The following UBE2E2 variants were observed in gnomAD, a reference collection of about 807,000 sequenced individuals.
The protein encoded by UBE2E2 is ubiquitin-conjugating enzyme E2 E2.
A neutral mutation model predicts 24.7 loss-of-function variants in UBE2E2; 6 were observed. That is an observed-to-expected ratio of 0.24 (90% confidence interval 0.13 to 0.48). The LOEUF (loss-of-function observed/expected upper bound fraction) is 0.48, where lower values mean the gene tolerates loss of function less well. UBE2E2 is among the 20% of genes least tolerant of loss of function. The probability of loss-of-function intolerance (pLI) is 0.99; values close to 1 mark genes in which losing one functional copy is unlikely to be tolerated. For missense variants in UBE2E2, 169 were observed against 245.0 expected (o/e 0.69, Z 2.07); for synonymous variants, 104 against 83.6 (o/e 1.24, Z -1.33).
At chr3:23,299,519 T>A (rs1284221555) in intron 3 of UBE2E2, among the ~76,000 whole-genome samples, 6 of 152,204 alleles carry the variant, frequency 3.9e-5, no homozygotes, top group Non-Finnish European at 8.8e-5. Flanking sequence ...ACATCTTTAT[T>A]TCTGCCTTCA....
chr3:23,360,476 A>T (rs1286611240), intron 3 of UBE2E2, among the ~76,000 whole-genome samples: 6 of 152,224 alleles, frequency 3.9e-5, no homozygotes, highest in African/African-American at 1.4e-4. Context: ...TAGACATAAG[A>T]AAATAATTAG....
intron 3 of UBE2E2, among the ~76,000 whole-genome samples, chr3:23,406,717 T>C (rs1697364236): frequency 6.6e-6 from 1 of 152,170 alleles, no homozygotes; most frequent in African/African-American, 2.4e-5. Context: ...ACCATGACAA[T>C]TGACTGTAAG....
At chr3:23,347,471 C>G (rs779590712) in intron 3 of UBE2E2, among the ~76,000 whole-genome samples, 1 of 152,020 alleles carries the variant, frequency 6.6e-6, no homozygotes, top group African/African-American at 2.4e-5. Flanking sequence ...CCAAACACCA[C>G]ATGTTCTCAC....
chr3:23,319,010 G>A (rs1694666783), intron 3 of UBE2E2, among the ~76,000 whole-genome samples: 1 of 152,156 alleles, frequency 6.6e-6, no homozygotes, highest in African/African-American at 2.4e-5. Flanking sequence ...TGAGGAAGGA[G>A]AATGTTGTGT....
At chr3:23,276,928 CTTTT>C (rs755981726) in intron 3 of UBE2E2, among the ~76,000 whole-genome samples, 2 of 151,746 alleles carry the variant, frequency 1.3e-5, no homozygotes, top group South Asian at 4.1e-4. Context: ...AGAGGAAAAA[CTTTT>C]TTTATTTTTC....
intron 3 of UBE2E2, among the ~76,000 whole-genome samples, chr3:23,333,546 A>G (rs1044595959): frequency 4.6e-5 from 7 of 152,100 alleles, no homozygotes; most frequent in South Asian, 2.1e-4. Context: ...TGCCATGCCT[A>G]TTTGACTCAG....
chr3:23,396,284 A>G (rs145181118), intron 3 of UBE2E2, among the ~76,000 whole-genome samples: 191 of 146,308 alleles, frequency 1.3e-3, no homozygotes, highest in African/African-American at 4.5e-3. Flanking sequence ...TTGACCTCAT[A>G]GTTTCAAGCA....
At chr3:23,231,987 G>C (rs766608820) in intron 3 of UBE2E2, among the ~76,000 whole-genome samples, 1 of 152,186 alleles carries the variant, frequency 6.6e-6, no homozygotes. Flanking sequence ...GTGTTCAGCT[G>C]TCTGGAAGCC....
chr3:23,372,683 A>G (rs1696427572), intron 3 of UBE2E2, among the ~76,000 whole-genome samples: 1 of 152,210 alleles, frequency 6.6e-6, no homozygotes, highest in Non-Finnish European at 1.5e-5. Context: ...TTTTTCTTGA[A>G]TAGAGGCATT....
intron 3 of UBE2E2, among the ~76,000 whole-genome samples, chr3:23,456,479 A>G (rs57338964): frequency 0.14 from 21,134 of 152,212 alleles, 1,533 homozygotes; most frequent in Middle Eastern, 0.2. Flanking sequence ...ATAACACTTG[A>G]AAGTCAAAAT....
chr3:23,234,011 A>AT (rs936841315), intron 3 of UBE2E2, among the ~76,000 whole-genome samples: 13 of 151,834 alleles, frequency 8.6e-5, no homozygotes, highest in African/African-American at 2.2e-4. Context: ...TCCTAAATTG[A>AT]TTTTTTTTCC....
chr3:23,417,220 T>C (rs192008190), intron 3 of UBE2E2, among the ~76,000 whole-genome samples: 91 of 152,334 alleles, frequency 6.0e-4, no homozygotes, highest in African/African-American at 1.7e-3. Context: ...GTTGGTGACC[T>C]TCAGATGGGG....
At chr3:23,339,400 A>C (rs1436129467) in intron 3 of UBE2E2, among the ~76,000 whole-genome samples, 1 of 152,170 alleles carries the variant, frequency 6.6e-6, no homozygotes, top group Non-Finnish European at 1.5e-5. Context: ...TTTATAGATC[A>C]GTTAATAGAA....
At chr3:23,244,576 G>A (rs535525293) in intron 3 of UBE2E2, among the ~76,000 whole-genome samples, 11 of 152,254 alleles carry the variant, frequency 7.2e-5, no homozygotes, top group African/African-American at 1.4e-4. Context: ...AGAGGAAAAC[G>A]TACAGAGAAG....
chr3:23,383,636 T>G (rs999975922), intron 3 of UBE2E2, among the ~76,000 whole-genome samples: 1 of 152,068 alleles, frequency 6.6e-6, no homozygotes, highest in African/African-American at 2.4e-5. Context: ...ACTGAGGTTT[T>G]TTTTGTTTTG....
chr3:23,549,746 A>G (rs1449668877), intron 5 of UBE2E2, among the ~76,000 whole-genome samples: 1 of 152,040 alleles, frequency 6.6e-6, no homozygotes, highest in Non-Finnish European at 1.5e-5. Context: ...TAAAAAAGGA[A>G]TTTCAACCGG....
intron 3 of UBE2E2, among the ~76,000 whole-genome samples, chr3:23,360,349 G>A (rs1278530743): frequency 6.6e-6 from 1 of 152,102 alleles, no homozygotes; most frequent in African/African-American, 2.4e-5. Flanking sequence ...CTTCCTTTGT[G>A]TAACAAAGAT....
intron 3 of UBE2E2, among the ~76,000 whole-genome samples, chr3:23,310,314 T>TTTTA (rs59973241): frequency 9.9e-5 from 15 of 151,180 alleles, no homozygotes; most frequent in African/African-American, 2.9e-4. Context: ...TTTTTTTTTT[T>TTTTA]ACAAAAATTC....
rs1184291433 is a variant in UBE2E2 at position 23,583,905 on chromosome 3, A to C, written c.509-5829A>C. Among the ~76,000 whole-genome samples, 4 of 152,088 alleles carry C rather than the reference A, an allele frequency of 2.6e-5. No individual in the cohort carries two copies. Among genetic ancestry groups the C allele is most frequent in the South Asian group, 4.2e-4 (2 of 4,814 alleles). The stretch of plus-strand genomic sequence containing the variant: ...CTCCCTTCCTATTCGAATGCATTTT[A>C]TTTCTTTCTCTTGCCTGATTGCTCT... On this transcript the variant is annotated intron_variant, in intron 5 of 5. Transcript: ENST00000396703. The surrounding 1 kb of genome is among the most constrained non-coding windows in gnomAD (Gnocchi z 4.1).
Sources: gnomAD v4.1 joint callset for allele counts (sites outside exome capture counted in the v4.1 genomes callset) on GRCh38, gnomAD v4.1.1 for gene constraint, Gnocchi (gnomAD v3.1) non-coding constraint, MANE v1.5 for transcripts, NCBI Gene and HGNC (gene_info 2026-07-23, HGNC 2026-07-21) for gene names.